Variants in KIF18A observed in about 807,000 individuals in gnomAD.
The protein encoded by KIF18A is kinesin-like protein KIF18A.
KIF18A carries 67 observed loss-of-function variants against 103.3 expected under a neutral mutation model. The ratio of observed to expected loss-of-function variants is 0.65; its 90% confidence interval spans 0.53 to 0.79. The LOEUF (loss-of-function observed/expected upper bound fraction) is 0.79. Ranked by LOEUF, KIF18A falls within the 30% of genes least tolerant of loss-of-function variation. The pLI, the probability that KIF18A is intolerant of heterozygous loss-of-function variation, is 0.00. For synonymous variants in KIF18A, 367 were observed against 355.5 expected (o/e 1.03, Z -0.36); for missense variants, 1,032 against 1,062.5 (o/e 0.97, Z 0.40).
At chr11:28,085,778 T>C (rs1346734563) in intron 6 of KIF18A, among the ~76,000 whole-genome samples, 1 of 152,114 alleles carries the variant, frequency 6.6e-6, no homozygotes, top group Non-Finnish European at 1.5e-5. Context: ...TTGTCTTGTG[T>C]CTTTATTTAT....
intron 1 of KIF18A, among the ~76,000 whole-genome samples, chr11:28,099,263 C>T (rs1320451449): frequency 6.6e-6 from 1 of 151,948 alleles, no homozygotes; most frequent in Non-Finnish European, 1.5e-5. Flanking sequence ...CATGATCTCA[C>T]TTTTATGCAG....
intron 1 of KIF18A, among the ~76,000 whole-genome samples, chr11:28,099,912 ATAGAC>A (rs1359578786): frequency 6.6e-6 from 1 of 152,148 alleles, no homozygotes; most frequent in Non-Finnish European, 1.5e-5. Flanking sequence ...GGATAATATA[ATAGAC>A]TAGTCTATTG....
chr11:28,046,980 G>A (rs1850644064), intron 13 of KIF18A, among the ~76,000 whole-genome samples: 1 of 149,306 alleles, frequency 6.7e-6, no homozygotes, highest in African/African-American at 2.5e-5. Context: ...CTTGAACCTG[G>A]GATGCAGAGG....
At chr11:28,103,345 CA>C (rs781201060) in intron 1 of KIF18A, among the ~76,000 whole-genome samples, 5 of 149,312 alleles carry the variant, frequency 3.3e-5, no homozygotes, top group African/African-American at 1.2e-4. Flanking sequence ...TTCCAAAATT[CA>C]AAAAAACTTC....
At chr11:28,041,897 C>A (rs1850565538) in intron 13 of KIF18A, among the ~76,000 whole-genome samples, 1 of 151,534 alleles carries the variant, frequency 6.6e-6, no homozygotes, top group Non-Finnish European at 1.5e-5. Context: ...TCCATAAAAC[C>A]ATGAACCATT....
chr11:28,022,341 T>C (rs1314991305), intron 16 of KIF18A, among the ~76,000 whole-genome samples: 2 of 151,910 alleles, frequency 1.3e-5, no homozygotes, highest in Non-Finnish European at 2.9e-5. Context: ...CTCGGCTCAC[T>C]GCAAGCTCCG....
intron 16 of KIF18A, among the ~76,000 whole-genome samples, chr11:28,021,641 C>T (rs1237297161): frequency 6.6e-6 from 1 of 152,026 alleles, no homozygotes; most frequent in African/African-American, 2.4e-5. Flanking sequence ...TTTCTCATTC[C>T]TTGGATTATA....
chr11:28,098,383 T>A (rs1851402938), intron 1 of KIF18A, among the ~76,000 whole-genome samples: 1 of 152,180 alleles, frequency 6.6e-6, no homozygotes, highest in South Asian at 2.1e-4. Context: ...TATTTCAGCT[T>A]AGGTCATGGG....
At chr11:28,031,416 C>G (rs974417166) in intron 15 of KIF18A, among the ~76,000 whole-genome samples, 3 of 152,034 alleles carry the variant, frequency 2.0e-5, no homozygotes, top group Non-Finnish European at 4.4e-5. Flanking sequence ...TCATTCTCAG[C>G]AAACTATCGC....
chr11:28,046,527 C>T (rs1850636439), intron 13 of KIF18A, among the ~76,000 whole-genome samples: 1 of 126,032 alleles, frequency 7.9e-6, no homozygotes, highest in East Asian at 2.3e-4. Flanking sequence ...AGGGGAACAT[C>T]ACACTCTGGG....
intron 11 of KIF18A, among the ~76,000 whole-genome samples, chr11:28,067,019 T>G (rs1356400158): frequency 3.3e-5 from 5 of 151,800 alleles, no homozygotes; most frequent in Non-Finnish European, 1.5e-5. Context: ...CTTAAATACA[T>G]TTACAGATGA....
At chr11:28,076,411 T>G (rs1239383346) in intron 10 of KIF18A, 1 of 152,198 alleles carries the variant, frequency 6.6e-6, no homozygotes, top group Non-Finnish European at 1.5e-5. Flanking sequence ...GTGGGTAAAC[T>G]TCGTGTTAAA....
At position 28,082,731 on chromosome 11, in the gene KIF18A, T is replaced by C. The variant is rs139850083; in HGVS notation, c.1262+125A>G. On this transcript the variant is annotated intron_variant, in intron 9 of 16. Transcript: ENST00000263181. ...ATGTATGTATGTATGTGTGTATATATAAAATTATAAACATACATATCTATG... is the reference window on the plus strand; with the variant it reads ...ATGTATGTATGTATGTGTGTATATACAAAATTATAAACATACATATCTATG... 6.8e-3 allele frequency: 3,990 copies of C among 583,424 alleles called. 34 individuals carry two copies. The highest frequency in any genetic ancestry group is 0.024 in the South Asian group (962 of 39,814). 36.1% of individuals were successfully genotyped at this position (583,424 alleles called of 1,614,324 possible).
intron 10 of KIF18A, among the ~76,000 whole-genome samples, chr11:28,071,020 G>C (rs1035342604): frequency 1.3e-5 from 2 of 152,152 alleles, no homozygotes. Context: ...ATGACTGCAT[G>C]ATTGTGCCAC....
At chr11:28,026,438 C>T (rs1565067964) in intron 15 of KIF18A, among the ~76,000 whole-genome samples, 1 of 151,714 alleles carries the variant, frequency 6.6e-6, no homozygotes, top group Non-Finnish European at 1.5e-5. Flanking sequence ...TAATCATGTA[C>T]ATTTCTAGCA....
At chr11:28,057,685 TC>T (rs1190290946) in intron 13 of KIF18A, among the ~76,000 whole-genome samples, 1 of 152,036 alleles carries the variant, frequency 6.6e-6, no homozygotes, top group Non-Finnish European at 1.5e-5. Flanking sequence ...AAATGATATG[TC>T]CTTTAACCTG....
intron 9 of KIF18A, among the ~76,000 whole-genome samples, chr11:28,080,706 T>C (rs1361408408): frequency 6.6e-6 from 1 of 152,122 alleles, no homozygotes; most frequent in Admixed American, 6.6e-5. Flanking sequence ...AACCCTAAAA[T>C]GGCCTCCAAG....
chr11:28,072,325 C>G (rs1851029458), intron 10 of KIF18A, among the ~76,000 whole-genome samples: 1 of 152,052 alleles, frequency 6.6e-6, no homozygotes, highest in Non-Finnish European at 1.5e-5. Context: ...TAAAAACAAT[C>G]TTACAGATTA....
chr11:28,075,798 G>T (rs1590697848), intron 10 of KIF18A, among the ~76,000 whole-genome samples: 1 of 152,196 alleles, frequency 6.6e-6, no homozygotes, highest in East Asian at 1.9e-4. Context: ...GCTTCTGCCA[G>T]GTTTTCTAGT....
Sources: gnomAD v4.1 joint callset for allele counts (sites outside exome capture counted in the v4.1 genomes callset) on GRCh38, gnomAD v4.1.1 for gene constraint, MANE v1.5 for transcripts, NCBI Gene and HGNC (gene_info 2026-07-23, HGNC 2026-07-21) for gene names.